C12orf42: variants seen among roughly 807,000 people sequenced by gnomAD.
The protein encoded by C12orf42 is chromosome 12 open reading frame 42, also known as uncharacterized protein C12orf42.
Under a neutral mutation model 21.6 loss-of-function variants are expected in C12orf42, and 25 were observed. The observed-to-expected ratio is 1.16, with a 90% CI of 0.84 to 1.62. C12orf42 has a LOEUF of 1.62. C12orf42 is among the 40% of genes most tolerant of loss of function. The pLI, the probability that C12orf42 is intolerant of heterozygous loss-of-function variation, is 0.00. For missense variants in C12orf42, 483 were observed against 459.3 expected, an observed-to-expected ratio of 1.05 and a Z score of -0.47; for synonymous variants, 174 against 175.0, an observed-to-expected ratio of 0.99 and a Z score of 0.05.
chr12:103,226,313 G>C, the C12orf42 span, among the ~76,000 whole-genome samples: 1 of 152,206 alleles, frequency 6.6e-6, no homozygotes, highest in Non-Finnish European at 1.5e-5. Flanking sequence ...ATTAAGTCCT[G>C]TTGTGGGGTT....
chr12:103,526,033 A>G, the C12orf42 span, among the ~76,000 whole-genome samples: 2 of 152,204 alleles, frequency 1.3e-5, no homozygotes, highest in African/African-American at 4.8e-5. Context: ...CTCAAAAAAA[A>G]CAAAACAAAA....
intron 3 of C12orf42, among the ~76,000 whole-genome samples, chr12:103,384,316 G>A (rs558437792): frequency 6.6e-6 from 1 of 152,222 alleles, no homozygotes; most frequent in South Asian, 2.1e-4. Context: ...TAAATATGGT[G>A]AAAAGAACAC....
At chr12:103,230,718 C>G in the C12orf42 span, among the ~76,000 whole-genome samples, 1 of 152,146 alleles carries the variant, frequency 6.6e-6, no homozygotes, top group African/African-American at 2.4e-5. Context: ...TTAATCCTAC[C>G]AGCTACATAA....
intron 1 of C12orf42, among the ~76,000 whole-genome samples, chr12:103,491,952 G>GTTT (rs34412956): frequency 0.038 from 2,699 of 71,554 alleles, 103 homozygotes; most frequent in African/African-American, 0.085. Context: ...TTTCAATTTT[G>GTTT]TTTTTTTTTT....
intron 4 of C12orf42, among the ~76,000 whole-genome samples, chr12:103,355,178 C>A (rs1234756575): frequency 6.6e-6 from 1 of 151,990 alleles, no homozygotes; most frequent in Admixed American, 6.6e-5. Context: ...CTGTGTATAC[C>A]CAGCTCCTAG....
chr12:103,277,271 A>C, intron 4 of C12orf42: 1 of 383,002 alleles, frequency 2.6e-6, no homozygotes, highest in Non-Finnish European at 5.1e-6. Flanking sequence ...TAATTCAAAA[A>C]TTATAATAAA....
chr12:103,165,405 A>C, the C12orf42 span, among the ~76,000 whole-genome samples: 4 of 152,190 alleles, frequency 2.6e-5, no homozygotes, highest in Admixed American at 2.6e-4. Flanking sequence ...TCAAAAGAAA[A>C]TTATTTTCAG....
chr12:103,507,369 G>A, the C12orf42 span, among the ~76,000 whole-genome samples: 1 of 135,268 alleles, frequency 7.4e-6, no homozygotes, highest in Non-Finnish European at 1.5e-5. Context: ...TGGGCAGGGG[G>A]GCATAAAAGT....
At position 103,383,131 on chromosome 12, in the gene C12orf42, T is replaced by C. The variant is rs543986690; in HGVS notation, c.148-14133A>G. Among the ~76,000 whole-genome samples the C allele has an allele frequency of 2.6e-5, 4 of 152,220 alleles. No homozygotes were observed. The South Asian group carries it at 8.3e-4, about 32-fold the overall frequency. Reference sequence around the variant, plus strand: ...AGTGTTCTGACTCATTCTTTTTTTTTTTTTCTTTTTTTGAGATGGAGTCTT... The same window carrying C: ...AGTGTTCTGACTCATTCTTTTTTTTCTTTTCTTTTTTTGAGATGGAGTCTT... On this transcript the variant is annotated intron_variant, in intron 3 of 5. Coordinates refer to ENST00000548883, the MANE Select transcript of C12orf42 (RefSeq NM_198521.5).
chr12:103,295,093 C>G (rs1355630782), intron 4 of C12orf42, among the ~76,000 whole-genome samples: 1 of 152,182 alleles, frequency 6.6e-6, no homozygotes, highest in Non-Finnish European at 1.5e-5. Context: ...CTGCAAAGGA[C>G]ATAATCTCAT....
intron 3 of C12orf42, among the ~76,000 whole-genome samples, chr12:103,384,036 T>G (rs2046396091): frequency 1.3e-5 from 2 of 152,164 alleles, no homozygotes; most frequent in East Asian, 3.8e-4. Context: ...TGGGTAGATT[T>G]TCATGACTCC....
chr12:103,382,376 T>A (rs1593723432), intron 3 of C12orf42, among the ~76,000 whole-genome samples: 2 of 152,302 alleles, frequency 1.3e-5, no homozygotes, highest in South Asian at 4.2e-4. Flanking sequence ...GGAGATTATG[T>A]TTACAAAGAT....
chr12:103,091,137 A>G, the C12orf42 span, among the ~76,000 whole-genome samples: 1 of 152,212 alleles, frequency 6.6e-6, no homozygotes, highest in Non-Finnish European at 1.5e-5. Flanking sequence ...CAAAAGAGGA[A>G]AACAAAGCCT....
At chr12:103,156,835 AT>A in the C12orf42 span, among the ~76,000 whole-genome samples, 7 of 152,166 alleles carry the variant, frequency 4.6e-5, no homozygotes, top group African/African-American at 1.7e-4. Flanking sequence ...ATAGTATTCC[AT>A]GGTGTATATA....
At chr12:103,529,653 T>A in the C12orf42 span, among the ~76,000 whole-genome samples, 4 of 152,198 alleles carry the variant, frequency 2.6e-5, no homozygotes, top group Non-Finnish European at 5.9e-5. Flanking sequence ...CTCTGGAGTG[T>A]GTTACAGGGT....
chr12:103,152,070 G>GA, the C12orf42 span, among the ~76,000 whole-genome samples: 1 of 152,148 alleles, frequency 6.6e-6, no homozygotes, highest in African/African-American at 2.4e-5. Context: ...AAAGTTTAGA[G>GA]AAAACCCCAG....
At chr12:103,182,800 A>C in the C12orf42 span, among the ~76,000 whole-genome samples, 1 of 152,252 alleles carries the variant, frequency 6.6e-6, no homozygotes, top group Non-Finnish European at 1.5e-5. Flanking sequence ...ATATCTCCCA[A>C]TAGCAACATT....
rs374219214 is a variant in C12orf42, at chr12:103,291,357, G to A, written n.338-14147C>T. Reference sequence around the variant, plus strand: ...GGAAAATTAAAGGAGATACCAATGCGGGGGAATCCCAAAATTGGGCCTCAG... The same window carrying A: ...GGAAAATTAAAGGAGATACCAATGCAGGGGAATCCCAAAATTGGGCCTCAG... On this transcript the variant is annotated intron_variant and non_coding_transcript_variant, in intron 4 of 6. Coordinates refer to the C12orf42 transcript ENST00000546526. Among the ~76,000 whole-genome samples, 122 of 152,282 alleles carry A rather than the reference G, an allele frequency of 8.0e-4. No individual in the cohort carries two copies. The Middle Eastern group carries it at 0.01, about 13-fold the overall frequency.
chr12:103,206,224 G>C, the C12orf42 span, among the ~76,000 whole-genome samples: 1 of 152,208 alleles, frequency 6.6e-6, no homozygotes, highest in South Asian at 2.1e-4. Context: ...GCCACTGATG[G>C]AACCACTGTG....
Sources: gnomAD v4.1 joint callset for allele counts (sites outside exome capture counted in the v4.1 genomes callset) on GRCh38, gnomAD v4.1.1 for gene constraint, MANE v1.5 for transcripts, NCBI Gene and HGNC (gene_info 2026-07-23, HGNC 2026-07-21) for gene names.